The following PHF21A variants were observed in gnomAD, a reference collection of about 807,000 sequenced individuals.
The protein encoded by PHF21A is BHC80a.
In PHF21A, 11 loss-of-function variants were observed where a neutral mutation model predicts 82.5. The observed-to-expected ratio is 0.13, with a 90% CI of 0.08 to 0.22. The LOEUF is 0.22. PHF21A is among the 10% of genes least tolerant of loss of function. PHF21A has a pLI of 1.00. For missense variants in PHF21A, 579 were observed against 837.8 expected (o/e 0.69, Z 3.81); for synonymous variants, 297 against 302.8 (o/e 0.98, Z 0.20).
chr11:45,935,741 TA>T lies in PHF21A; in HGVS notation c.1685-3del, dbSNP rs35995547. 0.4 allele frequency: 209,315 copies of T among 517,714 alleles called. 35,111 individuals are homozygous for T. Among genetic ancestry groups the T allele is most frequent in the African/African-American group, 0.53 (20,591 of 39,118 alleles). 32.1% of individuals were successfully genotyped at this position (517,714 alleles called of 1,614,324 possible). A position where few individuals can be genotyped will look rare whatever the true frequency, so the allele number is the denominator to read the frequency against. Reference sequence around the variant, plus strand: ...ACTTCTGTTTCTCTTCTTCTTTTGCTAAAAAAAAAAAAAAAAAAAAAAAGGA... The same window carrying T: ...ACTTCTGTTTCTCTTCTTCTTTTGCTAAAAAAAAAAAAAAAAAAAAAAGGA... On this transcript the variant is annotated splice_region_variant and splice_polypyrimidine_tract_variant and intron_variant, in intron 17 of 18. Transcript: ENST00000676320.
chr11:46,024,175 T>C (rs2095691598), intron 6 of PHF21A, among the ~76,000 whole-genome samples: 2 of 152,146 alleles, frequency 1.3e-5, no homozygotes, highest in South Asian at 4.1e-4. Flanking sequence ...TCTTTCTTTC[T>C]CCTCCTTCCC....
intron 7 of PHF21A, among the ~76,000 whole-genome samples, chr11:45,978,463 C>T (rs2094141370): frequency 6.6e-6 from 1 of 152,146 alleles, no homozygotes; most frequent in Non-Finnish European, 1.5e-5. Context: ...CTTTAGTGTT[C>T]TTATAAAAAA....
rs1720056576 is a variant in PHF21A, at chr11:46,076,802, T to C, written c.105A>G (p.Lys35=). ...KQDPQNADLK[K]QLHELQAKIT... ...TTTTGGCTTGGAGTTCATGAAGCTG[T>C]TTCTTTAAGTCAGCATTCTGATTGG... Residue 35 remains lysine, a synonymous_variant, in exon 6 of 19, where the codon AAA becomes AAG. Transcript: ENST00000676320. The C allele has an allele frequency of 1.2e-6, 2 of 1,613,142 alleles. No individual in the cohort carries two copies. The highest frequency in any genetic ancestry group is 1.7e-6 in the Non-Finnish European group (2 of 1,179,216).
intron 6 of PHF21A, among the ~76,000 whole-genome samples, chr11:45,998,223 G>A (rs2094977754): frequency 6.6e-6 from 1 of 152,206 alleles, no homozygotes; most frequent in African/African-American, 2.4e-5. Context: ...ATTTAAAGCA[G>A]TTTAGAAAAG....
chr11:46,000,388 T>C (rs1268860079), intron 6 of PHF21A, among the ~76,000 whole-genome samples: 4 of 152,206 alleles, frequency 2.6e-5, no homozygotes, highest in Admixed American at 1.3e-4. Context: ...ATAGTACTCA[T>C]AGCACTTCTG....
intron 10 of PHF21A, among the ~76,000 whole-genome samples, chr11:45,955,799 C>T (rs1207244759): frequency 2.6e-5 from 4 of 152,158 alleles, no homozygotes; most frequent in African/African-American, 4.8e-5. Flanking sequence ...TTGTGAGCAG[C>T]ACTATGGAGA....
intron 6 of PHF21A, among the ~76,000 whole-genome samples, chr11:45,980,908 A>G (rs1795131081): frequency 6.6e-6 from 1 of 152,190 alleles, no homozygotes; most frequent in Non-Finnish European, 1.5e-5. Flanking sequence ...TTGTTTAGGC[A>G]GAGTAGGGAT....
At chr11:45,997,335 A>T (rs1482101250) in intron 6 of PHF21A, among the ~76,000 whole-genome samples, 1 of 152,212 alleles carries the variant, frequency 6.6e-6, no homozygotes, top group South Asian at 2.1e-4. Flanking sequence ...CTTAACCCAA[A>T]TATCAGAAGT....
chr11:46,098,080 T>C (rs1028621697), intron 1 of PHF21A, among the ~76,000 whole-genome samples: 1 of 152,194 alleles, frequency 6.6e-6, no homozygotes, highest in African/African-American at 2.4e-5. Context: ...CCTAGGAAAG[T>C]AGGCCTTCAA....
At chr11:45,950,461 T>C (rs2091951728) in intron 11 of PHF21A, among the ~76,000 whole-genome samples, 1 of 151,708 alleles carries the variant, frequency 6.6e-6, no homozygotes, top group African/African-American at 2.4e-5. Flanking sequence ...TGGGCCACAT[T>C]GGAAGAAGAA....
At chr11:46,047,715 A>T (rs1171770006) in intron 6 of PHF21A, among the ~76,000 whole-genome samples, 2 of 152,212 alleles carry the variant, frequency 1.3e-5, no homozygotes, top group Non-Finnish European at 2.9e-5. Flanking sequence ...TACTTGCTCT[A>T]CCATTTCTTG....
At chr11:46,062,876 T>A (rs2096552603) in intron 6 of PHF21A, among the ~76,000 whole-genome samples, 1 of 152,186 alleles carries the variant, frequency 6.6e-6, no homozygotes, top group Non-Finnish European at 1.5e-5. Context: ...AATGTTCAAA[T>A]TAATGTTATT....
chr11:46,104,000 C>T (rs2097127033), intron 1 of PHF21A, among the ~76,000 whole-genome samples: 1 of 152,148 alleles, frequency 6.6e-6, no homozygotes, highest in Admixed American at 6.5e-5. Context: ...TCAACTTGTT[C>T]TCAGGCTCAG....
intron 6 of PHF21A, among the ~76,000 whole-genome samples, chr11:46,056,393 T>C (rs1045201573): frequency 3.3e-5 from 5 of 152,086 alleles, no homozygotes; most frequent in Non-Finnish European, 5.9e-5. Flanking sequence ...GGGTTAAATA[T>C]GGAGGTGATG....
intron 6 of PHF21A, among the ~76,000 whole-genome samples, chr11:46,050,031 C>T (rs958006069): frequency 2.0e-5 from 3 of 152,206 alleles, no homozygotes; most frequent in Admixed American, 6.5e-5. Context: ...CTGTAGGGCT[C>T]TGCTCTTATG....
intron 1 of PHF21A, among the ~76,000 whole-genome samples, chr11:46,101,673 C>T (rs1205749223): frequency 6.6e-6 from 1 of 152,078 alleles, no homozygotes; most frequent in East Asian, 1.9e-4. Context: ...CGCTTTGTTG[C>T]CCAGGCTGGA....
intron 11 of PHF21A, among the ~76,000 whole-genome samples, chr11:45,951,807 A>ATTTT (rs371914854): frequency 3.2e-5 from 4 of 124,340 alleles, no homozygotes; most frequent in African/African-American, 5.8e-5. Flanking sequence ...TGTGGAATAA[A>ATTTT]TTTTTTTTTT....
intron 6 of PHF21A, among the ~76,000 whole-genome samples, chr11:46,016,104 T>C (rs2137597056): frequency 6.6e-6 from 1 of 152,308 alleles, no homozygotes; most frequent in Non-Finnish European, 1.5e-5. Context: ...CAAACATGAG[T>C]AATGTATTAC....
chr11:46,007,149 A>G (rs1292911736), intron 6 of PHF21A, among the ~76,000 whole-genome samples: 1 of 152,172 alleles, frequency 6.6e-6, no homozygotes, highest in East Asian at 1.9e-4. Context: ...ATCTATCAAC[A>G]CTAGCTCACT....
Sources: allele counts gnomAD v4.1 joint callset (sites outside exome capture counted in the v4.1 genomes callset), GRCh38; gene constraint gnomAD v4.1.1; transcripts MANE v1.5; gene names NCBI Gene and HGNC (gene_info 2026-07-23, HGNC 2026-07-21).